ALG13: variants seen among roughly 807,000 people sequenced by gnomAD.
ALG13 encodes UDP-N-acetylglucosamine transferase subunit ALG13.
ALG13 carries 11 observed loss-of-function variants against 87.8 expected under a neutral mutation model. The ratio of observed to expected loss-of-function variants is 0.13; its 90% confidence interval spans 0.08 to 0.21. The LOEUF (loss-of-function observed/expected upper bound fraction) is 0.21, where lower values mean the gene tolerates loss of function less well. Among genes scored for constraint, ALG13 ranks in the 10% least tolerant of loss-of-function variants. The pLI is 1.00. For missense variants in ALG13, 756 were observed against 866.1 expected, an observed-to-expected ratio of 0.87 and a Z score of 1.60; for synonymous variants, 320 against 306.3, an observed-to-expected ratio of 1.04 and a Z score of -0.47.
At chrX:111,694,403 A>G (rs1189956587) in intron 3 of ALG13, among the ~76,000 whole-genome samples, 1 of 112,504 alleles carries the variant, frequency 8.9e-6, no homozygotes, top group African/African-American at 3.2e-5. Context: ...TTTAAAGCAT[A>G]CTAGCCAATA....
rs138371557 is a variant in ALG13 at position 111,703,686 on chromosome X, A to C, written c.384-4341A>C. Among the ~76,000 whole-genome samples the C allele has an allele frequency of 4.5e-3, 507 of 111,512 alleles. 3 individuals are homozygous for C. Among genetic ancestry groups the C allele is most frequent in the Non-Finnish European group, 7.7e-3 (410 of 52,926 alleles). On this transcript the variant is annotated intron_variant, in intron 3 of 26. Coordinates refer to ENST00000394780, the MANE Select transcript of ALG13 (RefSeq NM_001099922.3). ...TTACATTTGAGATACGTGTTCTTTT[A>C]TGTATCAATATTTCATTATTTTCTA...
At chrX:111,749,582 G>A (rs1183116295) in intron 24 of ALG13, among the ~76,000 whole-genome samples, 1 of 109,150 alleles carries the variant, frequency 9.2e-6, no homozygotes, top group African/African-American at 3.3e-5. Flanking sequence ...ATTCTTAACA[G>A]TATGGTCTCT....
chrX:111,750,538 G>A (rs975535483), intron 24 of ALG13, among the ~76,000 whole-genome samples: 2 of 111,161 alleles, frequency 1.8e-5, no homozygotes, highest in African/African-American at 6.5e-5. Context: ...AGAACCCTGT[G>A]TCAAGCAAAT....
intron 23 of ALG13, chrX:111,737,094 A>G (rs778726634): frequency 3.3e-6 from 1 of 299,199 alleles, no homozygotes; most frequent in Non-Finnish European, 5.7e-6. Context: ...AAGATTTTAT[A>G]CCTTTCATTT....
At chrX:111,739,369 A>C (rs780103293) in intron 23 of ALG13, among the ~76,000 whole-genome samples, 1 of 112,491 alleles carries the variant, frequency 8.9e-6, no homozygotes, top group African/African-American at 3.2e-5. Flanking sequence ...TTACAATTCA[A>C]GATGAGATTT....
At chrX:111,688,260 A>G in intron 3 of ALG13, 1 of 765,138 alleles carries the variant, frequency 1.3e-6, no homozygotes, top group Non-Finnish European at 1.5e-6. Flanking sequence ...TAGAATCTCA[A>G]GTGGAATTGG....
chrX:111,726,743 G>A, intron 15 of ALG13, 66 bp from the exon 16 acceptor site: 4 of 1,163,694 alleles, frequency 3.4e-6, no homozygotes, highest in Admixed American at 4.4e-5. Context: ...GTGTGGTGGT[G>A]ACAGTACACT....
chrX:111,684,824 C>T (rs1934517090), intron 2 of ALG13, 141 bp from the exon 3 acceptor site: 1 of 545,001 alleles, frequency 1.8e-6, no homozygotes, highest in Non-Finnish European at 3.0e-6. Flanking sequence ...ATACTCTTGT[C>T]ATTTTGAATG....
chrX:111,751,699 T>G (rs564051099), intron 24 of ALG13, among the ~76,000 whole-genome samples: 1 of 111,798 alleles, frequency 8.9e-6, no homozygotes, highest in Non-Finnish European at 1.9e-5. Context: ...TGCTCCTATA[T>G]AATAGTCAAA....
chrX:111,681,940 G>C, intron 1 of ALG13, 192 bp from the exon 2 acceptor site: 1 of 848,680 alleles, frequency 1.2e-6, no homozygotes, highest in Non-Finnish European at 1.5e-6. Flanking sequence ...TTAGATTCAT[G>C]AGTGCTTGGG....
rs750710267 is a variant in ALG13, at chrX:111,744,725, TACCACCACCACCACC to T, written c.2784_2798del (p.Pro941_Pro945del). 91 of 1,099,419 alleles carry T rather than the reference TACCACCACCACCACC, an allele frequency of 8.3e-5. No homozygotes were observed. Among genetic ancestry groups the T allele is most frequent in the East Asian group, 1.7e-4 (5 of 29,442 alleles). 90.6% of individuals were successfully genotyped at this position (1,099,419 alleles called of 1,213,427 possible). A position where few individuals can be genotyped will look rare whatever the true frequency, so the allele number is the denominator to read the frequency against. The stretch of plus-strand genomic sequence containing the variant: ...GCTATTCCTCATGCTGGTGCCTCTC[TACCACCACCACCACC>T]ACCACCACCACCACCACCACCACCA... On this transcript the variant is annotated inframe_deletion, in exon 24 of 27. Transcript: ENST00000394780.
At chrX:111,742,413 C>T (rs1348308086) in intron 23 of ALG13, among the ~76,000 whole-genome samples, 1 of 108,371 alleles carries the variant, frequency 9.2e-6, no homozygotes, top group African/African-American at 3.4e-5. Flanking sequence ...CAGTGACTGT[C>T]CCTGAGTGCA....
chrX:111,690,654 G>A (rs1011428736), intron 3 of ALG13, among the ~76,000 whole-genome samples: 4 of 107,218 alleles, frequency 3.7e-5, no homozygotes, highest in South Asian at 4.1e-4. Context: ...GGGTTTCACC[G>A]TGTTGCCCAG....
At chrX:111,712,566 G>C in intron 7 of ALG13, 36 bp downstream of exon 7, 1 of 870,733 alleles carries the variant, frequency 1.1e-6, no homozygotes, top group Non-Finnish European at 1.6e-6. Context: ...GAGTGGGTAT[G>C]TGCATGCATG....
chrX:111,732,770 C>T lies in ALG13; in HGVS notation c.2457+2190C>T, dbSNP rs141437432. ...TAGGAAGGAGAAGAAAACTCTGATA[C>T]GTAATTCTCTTTCTGTTCTTTCTCC... is the stretch of plus-strand genomic sequence containing the variant. On this transcript the variant is annotated intron_variant, in intron 21 of 26. Coordinates refer to ENST00000394780, the MANE Select transcript of ALG13 (RefSeq NM_001099922.3). Among the ~76,000 whole-genome samples, 396 of 111,717 alleles carry T rather than the reference C, an allele frequency of 3.5e-3. 3 individuals carry two copies. Among genetic ancestry groups the T allele is most frequent in the African/African-American group, 0.012 (355 of 30,745 alleles).
intron 11 of ALG13, 145 bp from the exon 12 acceptor site, chrX:111,721,458 A>G: frequency 2.4e-5 from 1 of 42,052 alleles, no homozygotes; most frequent in Non-Finnish European, 4.0e-5. Flanking sequence ...TTCTTCATAG[A>G]AGGAAGAAAC....
In ALG13 at chrX:111,757,727, G is replaced by A; in HGVS notation, c.3113G>A (p.Arg1038Lys). ...TVPQCYSEVR[R>K]EDGIQAEASA... is the part of the protein sequence containing the mutation. The stretch of plus-strand genomic sequence containing the variant: ...CCTCAATGCTACAGTGAGGTGAGGA[G>A]AGAAGATGGCATACAGGCGGAAGCA... Residue 1038 changes from arginine (R) to lysine (K), a missense_variant, in exon 26 of 27, where the codon AGA (arginine) becomes AAA (lysine). By Grantham distance (26) the Arg-to-Lys change is conservative. Transcript: ENST00000394780. The A allele has an allele frequency of 1.7e-6, 2 of 1,210,513 alleles. No individual in the cohort carries two copies. The highest frequency in any genetic ancestry group is 2.2e-6 in the Non-Finnish European group (2 of 894,947).
chrX:111,681,379 G>A (rs1284003115), intron 1 of ALG13, 80 bp downstream of exon 1: 5 of 1,190,274 alleles, frequency 4.2e-6, no homozygotes, highest in Non-Finnish European at 4.5e-6. Context: ...CGTTAGCCTT[G>A]CCTGACCGTC....
At chrX:111,727,578 A>G (rs1889479630) in intron 17 of ALG13, 36 bp from the exon 18 acceptor site, 4 of 1,162,215 alleles carry the variant, frequency 3.4e-6, no homozygotes, top group South Asian at 2.0e-5. Context: ...ACTATATTTC[A>G]TCATTTTTAC....
Sources: gnomAD v4.1 joint callset for allele counts (sites outside exome capture counted in the v4.1 genomes callset) on GRCh38, gnomAD v4.1.1 for gene constraint, MANE v1.5 for transcripts, NCBI Gene and HGNC (gene_info 2026-07-23, HGNC 2026-07-21) for gene names.